Variants in SBF2 observed in about 807,000 individuals in gnomAD.
SBF2 encodes the protein myotubularin-related protein 13.
SBF2 carries 112 observed loss-of-function variants against 225.2 expected under a neutral mutation model. That is an observed-to-expected ratio of 0.50 (90% confidence interval 0.43 to 0.58). The LOEUF (loss-of-function observed/expected upper bound fraction) is 0.58. Ranked by LOEUF, SBF2 falls within the 20% of genes least tolerant of loss-of-function variation. SBF2 has a pLI of 0.00. For missense variants in SBF2, 1,996 were observed against 2,206.2 expected (o/e 0.90, Z 1.91); for synonymous variants, 763 against 773.3 (o/e 0.99, Z 0.22).
chr11:10,262,307 A>G (rs1021060876), intron 1 of SBF2, among the ~76,000 whole-genome samples: 1 of 152,204 alleles, frequency 6.6e-6, no homozygotes, highest in African/African-American at 2.4e-5. Context: ...GTAGTACTAT[A>G]CAGGCGTTTG....
chr11:9,932,136 A>C (rs1222515555), intron 16 of SBF2, among the ~76,000 whole-genome samples: 1 of 152,234 alleles, frequency 6.6e-6, no homozygotes, highest in Non-Finnish European at 1.5e-5. Context: ...CTAGGTGAAA[A>C]GACCAAATCT....
rs543898606 is a variant in SBF2 at position 9,830,465 on chromosome 11, C to T, written c.3653-969G>A. The stretch of plus-strand genomic sequence containing the variant: ...TCAAAGATACTAGTTGTCAGCCAGG[C>T]GCAGTGGTTCACGTCTGTAATCCCA... On this transcript the variant is annotated intron_variant, in intron 27 of 39. Transcript: ENST00000256190. Among the ~76,000 whole-genome samples, 31 of 152,196 alleles carry T rather than the reference C, an allele frequency of 2.0e-4. 1 individual carries two copies. The highest frequency in any genetic ancestry group is 7.0e-4 in the African/African-American group (29 of 41,526).
chr11:10,304,125 A>C (rs1964626027), intron 1 of SBF2, among the ~76,000 whole-genome samples: 1 of 152,134 alleles, frequency 6.6e-6, no homozygotes, highest in Admixed American at 6.5e-5. Flanking sequence ...GAAATGGGAA[A>C]AGGAATGTTA....
In SBF2 at chr11:9,808,831, C is replaced by A. The variant is rs1453986497; in HGVS notation, c.4257+70G>T. 48 of 1,146,754 alleles carry A rather than the reference C, an allele frequency of 4.2e-5. No individual in the cohort carries two copies. The Admixed American group carries it at 8.4e-4, about 20-fold the overall frequency. The allele number at this position is 1,146,754 out of a possible 1,614,324, so 71.0% of individuals were successfully genotyped here. On this transcript the variant is annotated intron_variant, in intron 31 of 39. Coordinates refer to ENST00000256190, the MANE Select transcript of SBF2 (RefSeq NM_030962.4). ...ATTAGTCATTATACAAAAGAGTCAT[C>A]TGAAGAATTTAAAAATGACCAAATG...
In SBF2 at chr11:10,004,796, T is replaced by A. The variant is rs1407311026; in HGVS notation, c.620-2107A>T. Among the ~76,000 whole-genome samples, 3 of 152,098 alleles carry A rather than the reference T, an allele frequency of 2.0e-5. No individual in the cohort carries two copies. The East Asian group carries it at 5.8e-4, about 29-fold the overall frequency. ...CTCTATCTTCCTCTCACATGTAAATTGTGTATTCAGTAAAAGGCTAATCAG... is the reference window on the plus strand; with the variant it reads ...CTCTATCTTCCTCTCACATGTAAATAGTGTATTCAGTAAAAGGCTAATCAG... On this transcript the variant is annotated intron_variant, in intron 6 of 39. Coordinates refer to ENST00000256190, the MANE Select transcript of SBF2 (RefSeq NM_030962.4).
At chr11:10,229,343 T>A (rs942872086) in intron 1 of SBF2, among the ~76,000 whole-genome samples, 4 of 152,230 alleles carry the variant, frequency 2.6e-5, no homozygotes, top group Admixed American at 6.5e-5. Context: ...AGTTATTTCT[T>A]GCCTTCTGCT....
intron 1 of SBF2, among the ~76,000 whole-genome samples, chr11:10,225,802 G>A (rs1176553536): frequency 6.6e-6 from 1 of 152,050 alleles, no homozygotes; most frequent in Admixed American, 6.6e-5. Flanking sequence ...TTGTAATAAG[G>A]TTGGCAAAAG....
At chr11:9,896,364 G>T (rs78514621) in intron 16 of SBF2, among the ~76,000 whole-genome samples, 12,127 of 152,170 alleles carry the variant, frequency 0.08, 571 homozygotes, top group East Asian at 0.1. Flanking sequence ...TTTGGAGGAA[G>T]TTTTAGTATA....
At chr11:9,783,000 G>A (rs1053500799) in intron 38 of SBF2, 9 of 152,090 alleles carry the variant, frequency 5.9e-5, no homozygotes, top group South Asian at 2.1e-4. Context: ...TTCTGATACC[G>A]TGGCTCTGAC....
intron 1 of SBF2, among the ~76,000 whole-genome samples, chr11:10,231,987 C>A (rs905082961): frequency 6.6e-6 from 1 of 152,230 alleles, no homozygotes; most frequent in Non-Finnish European, 1.5e-5. Flanking sequence ...CTTTGTTTAC[C>A]TACTCAAGCC....
intron 39 of SBF2, among the ~76,000 whole-genome samples, chr11:9,781,083 T>C (rs1590066868): frequency 6.6e-6 from 1 of 152,250 alleles, no homozygotes; most frequent in African/African-American, 2.4e-5. Context: ...AAGTGCCCCA[T>C]GGCCTACCTA....
At chr11:9,787,115 C>T (rs1028187428) in intron 36 of SBF2, among the ~76,000 whole-genome samples, 5 of 152,070 alleles carry the variant, frequency 3.3e-5, no homozygotes, top group East Asian at 3.9e-4. Context: ...AGGATGGTCT[C>T]GATCTCTTGA....
chr11:9,832,107 A>C (rs1855435801), intron 27 of SBF2, 117 bp downstream of exon 27: 2 of 868,578 alleles, frequency 2.3e-6, no homozygotes, highest in Admixed American at 4.0e-5. Flanking sequence ...AAAGTGGAAA[A>C]GTTTGTGTGT....
chr11:9,993,874 A>G, intron 10 of SBF2, 47 bp downstream of exon 10: 1 of 1,487,734 alleles, frequency 6.7e-7, no homozygotes, highest in East Asian at 2.3e-5. Flanking sequence ...ATAAATAAAA[A>G]TACAGCTCTC....
chr11:10,190,316 T>C (rs1196668024), intron 2 of SBF2, among the ~76,000 whole-genome samples: 1 of 152,242 alleles, frequency 6.6e-6, no homozygotes. Context: ...TTTGAAATGC[T>C]GTCACTAAAA....
At chr11:10,246,155 TG>T (rs996873419) in intron 1 of SBF2, among the ~76,000 whole-genome samples, 1 of 151,336 alleles carries the variant, frequency 6.6e-6, no homozygotes, top group African/African-American at 2.4e-5. Flanking sequence ...AAAGAAAGAG[TG>T]GGGGGAAGCT....
chr11:10,121,844 C>A, intron 2 of SBF2, among the ~76,000 whole-genome samples: 1 of 152,034 alleles, frequency 6.6e-6, no homozygotes. Flanking sequence ...AATCTGTCAC[C>A]ACTCCATCCA....
intron 13 of SBF2, among the ~76,000 whole-genome samples, chr11:9,969,748 T>A (rs1867204100): frequency 6.6e-6 from 1 of 152,200 alleles, no homozygotes; most frequent in Non-Finnish European, 1.5e-5. Context: ...ATATCACTTA[T>A]CACTCTCTCA....
rs1378530076 is a variant in SBF2, at chr11:9,979,084, G to T, written c.1395+10413C>A. ...GAGGCGATCCAGCCTTATAGTGAAA[G>T]AACATAGGCTTAGGAAATGAATAGA... On this transcript the variant is annotated intron_variant, in intron 13 of 39. Coordinates refer to ENST00000256190, the MANE Select transcript of SBF2 (RefSeq NM_030962.4). Among the ~76,000 whole-genome samples, 10 of 152,290 alleles carry T rather than the reference G, an allele frequency of 6.6e-5. No individual in the cohort carries two copies. In the East Asian group the frequency reaches 1.9e-3, roughly 29 times the overall value.
Sources: gnomAD v4.1 joint callset for allele counts (sites outside exome capture counted in the v4.1 genomes callset) on GRCh38, gnomAD v4.1.1 for gene constraint, MANE v1.5 for transcripts, NCBI Gene and HGNC (gene_info 2026-07-23, HGNC 2026-07-21) for gene names.